The following NCKAP5 variants were observed in gnomAD, a reference collection of about 807,000 sequenced individuals.
NCKAP5 encodes NCK associated protein 5.
In NCKAP5, 92 loss-of-function variants were observed where a neutral mutation model predicts 167.0. That is an observed-to-expected ratio of 0.55 (90% CI 0.47 to 0.66). The LOEUF (loss-of-function observed/expected upper bound fraction) is 0.66, where lower values mean the gene tolerates loss of function less well. NCKAP5 is among the 30% of genes least tolerant of loss of function. NCKAP5 has a pLI of 0.00. For missense variants in NCKAP5, 2,378 were observed against 2,315.0 expected, an observed-to-expected ratio of 1.03 and a Z score of -0.56; for synonymous variants, 891 against 877.4, an observed-to-expected ratio of 1.02 and a Z score of -0.27.
chr2:133,019,489 C>T (rs966976449), intron 6 of NCKAP5, among the ~76,000 whole-genome samples: 1 of 152,168 alleles, frequency 6.6e-6, no homozygotes, highest in Non-Finnish European at 1.5e-5. Context: ...TCCTGTCATA[C>T]TGTTTTACAC....
intron 7 of NCKAP5, among the ~76,000 whole-genome samples, chr2:132,966,918 A>T (rs1196456546): frequency 1.3e-5 from 2 of 152,158 alleles, no homozygotes; most frequent in Non-Finnish European, 2.9e-5. Flanking sequence ...CACTAAATAG[A>T]CCACAAACAG....
intron 6 of NCKAP5, among the ~76,000 whole-genome samples, chr2:133,051,820 C>A (rs2079616421): frequency 1.3e-5 from 2 of 152,134 alleles, no homozygotes; most frequent in Non-Finnish European, 2.9e-5. Context: ...GCTCTCAATA[C>A]ATATATGTAG....
At chr2:132,677,099 A>G (rs1175197907) in intron 19 of NCKAP5, among the ~76,000 whole-genome samples, 1 of 152,188 alleles carries the variant, frequency 6.6e-6, no homozygotes, top group Non-Finnish European at 1.5e-5. Flanking sequence ...TGTAGGTTCC[A>G]TAAAACATCG....
chr2:133,231,336 G>T (rs901967928), intron 4 of NCKAP5, among the ~76,000 whole-genome samples: 4 of 152,110 alleles, frequency 2.6e-5, no homozygotes, highest in African/African-American at 9.7e-5. Flanking sequence ...TAGACTAAAA[G>T]ACATGTTTAA....
intron 3 of NCKAP5, among the ~76,000 whole-genome samples, chr2:133,413,205 G>A (rs1688885099): frequency 6.6e-6 from 1 of 152,244 alleles, no homozygotes; most frequent in African/African-American, 2.4e-5. Flanking sequence ...GGACTAGTAT[G>A]CAAACTGGAA....
chr2:133,098,686 A>G (rs1574024336), intron 6 of NCKAP5, among the ~76,000 whole-genome samples: 1 of 152,244 alleles, frequency 6.6e-6, no homozygotes, highest in East Asian at 1.9e-4. Context: ...ATATTTAAAT[A>G]ATACAGCCAT....
intron 5 of NCKAP5, among the ~76,000 whole-genome samples, chr2:133,199,367 A>G (rs1325847439): frequency 1.3e-5 from 2 of 152,070 alleles, no homozygotes; most frequent in Non-Finnish European, 2.9e-5. Context: ...TATTCAAAAT[A>G]TGTAAAGAAC....
chr2:132,831,768 G>C (rs1687538458), intron 11 of NCKAP5, among the ~76,000 whole-genome samples: 1 of 151,714 alleles, frequency 6.6e-6, no homozygotes, highest in African/African-American at 2.4e-5. Context: ...TTCCTTTGTA[G>C]CTTCTGGATT....
the NCKAP5 span, among the ~76,000 whole-genome samples, chr2:133,658,811 T>C: frequency 6.6e-6 from 1 of 152,112 alleles, no homozygotes; most frequent in Non-Finnish European, 1.5e-5. Flanking sequence ...TCCTGCTGAT[T>C]CTCTGAGTCC....
At chr2:133,438,115 A>G (rs1373520633) in intron 3 of NCKAP5, among the ~76,000 whole-genome samples, 1 of 152,222 alleles carries the variant, frequency 6.6e-6, no homozygotes, top group Non-Finnish European at 1.5e-5. Flanking sequence ...CAGCAACCTA[A>G]GTCCATACCT....
At chr2:133,049,257 A>G (rs2079516405) in intron 6 of NCKAP5, among the ~76,000 whole-genome samples, 1 of 152,208 alleles carries the variant, frequency 6.6e-6, no homozygotes, top group African/African-American at 2.4e-5. Flanking sequence ...GAATGTGAGC[A>G]CAGGCTGCCT....
At chr2:132,968,879 G>C (rs1381097952) in intron 7 of NCKAP5, among the ~76,000 whole-genome samples, 1 of 152,144 alleles carries the variant, frequency 6.6e-6, no homozygotes, top group Non-Finnish European at 1.5e-5. Context: ...AAAAAAATGA[G>C]GTTGTCTGAA....
chr2:133,485,092 T>C (rs1048538309), intron 3 of NCKAP5, among the ~76,000 whole-genome samples: 6 of 152,222 alleles, frequency 3.9e-5, no homozygotes, highest in African/African-American at 1.4e-4. Context: ...GGCCCTTCAA[T>C]GTGCCTTAAT....
In NCKAP5 at chr2:133,545,786, T is replaced by A. The variant is rs138379086; in HGVS notation, c.-62+13264A>T. ...GGAGGGGAGAGGCAGGATTCGACAGTCCAAACGCTTATCTTTTACAATGAT... is the reference window on the plus strand; with the variant it reads ...GGAGGGGAGAGGCAGGATTCGACAGACCAAACGCTTATCTTTTACAATGAT... On this transcript the variant is annotated intron_variant, in intron 2 of 19. Transcript: ENST00000409261. 1.7e-3 allele frequency among the ~76,000 whole-genome samples: 258 copies of A among 152,278 alleles called. 2 individuals carry two copies. The highest frequency in any genetic ancestry group is 5.7e-3 in the African/African-American group (235 of 41,562).
chr2:133,563,517 C>T (rs1338726820), intron 1 of NCKAP5, among the ~76,000 whole-genome samples: 2 of 118,078 alleles, frequency 1.7e-5, no homozygotes, highest in Non-Finnish European at 1.6e-5. Flanking sequence ...TGCAGTGAGT[C>T]GAGATCATGC....
the NCKAP5 span, among the ~76,000 whole-genome samples, chr2:133,617,049 A>G: frequency 6.6e-6 from 1 of 152,294 alleles, no homozygotes; most frequent in African/African-American, 2.4e-5. Flanking sequence ...CAAAGACAAA[A>G]ACCACAGGAT....
intron 6 of NCKAP5, among the ~76,000 whole-genome samples, chr2:133,061,300 C>T (rs76346582): frequency 0.013 from 1,964 of 152,258 alleles, 18 homozygotes; most frequent in Middle Eastern, 0.031. Context: ...AACAGTATTG[C>T]TTGCTGCAGA....
chr2:132,828,308 A>G (rs1687276143), intron 11 of NCKAP5, among the ~76,000 whole-genome samples: 1 of 152,138 alleles, frequency 6.6e-6, no homozygotes, highest in South Asian at 2.1e-4. Flanking sequence ...TTGAAGTGTA[A>G]TCCCTAGTGT....
At position 133,568,382 on chromosome 2, in the gene NCKAP5, A is replaced by G. The variant is rs1268318319; in HGVS notation, c.-296T>C. The G allele has an allele frequency of 6.6e-6, 1 of 152,154 alleles. No individual in the cohort carries two copies. Among genetic ancestry groups the G allele is most frequent in the Non-Finnish European group, 1.5e-5 (1 of 68,038 alleles). 9.4% of individuals were successfully genotyped at this position (152,154 alleles called of 1,614,324 possible). A position where few individuals can be genotyped will look rare whatever the true frequency, so the allele number is the denominator to read the frequency against. On this transcript the variant is annotated 5_prime_UTR_variant, in exon 1 of 20. Coordinates refer to ENST00000409261, the MANE Select transcript of NCKAP5 (RefSeq NM_207363.3). ...ACAGACTCGGTTTTCCTGAACATCC[A>G]CAGCGGCTGGGAAGTCCTGCCGTGA...
Sources: allele counts gnomAD v4.1 joint callset (sites outside exome capture counted in the v4.1 genomes callset), GRCh38; gene constraint gnomAD v4.1.1; transcripts MANE v1.5; gene names NCBI Gene and HGNC (gene_info 2026-07-23, HGNC 2026-07-21).